Variants in DNAH1 observed in about 807,000 individuals in gnomAD.
The protein encoded by DNAH1 is dynein axonemal heavy chain 1, also known as axonemal beta dynein heavy chain 1.
A neutral mutation model predicts 484.3 loss-of-function variants in DNAH1; 327 were observed. That is an observed-to-expected ratio of 0.68 (90% CI 0.62 to 0.74). DNAH1 has a LOEUF of 0.74. Among genes scored for constraint, DNAH1 ranks in the 30% least tolerant of loss-of-function variants. The pLI, the probability that DNAH1 is intolerant of heterozygous loss-of-function variation, is 0.00. For missense variants in DNAH1, 5,052 were observed against 5,546.8 expected (o/e 0.91, Z 2.83); for synonymous variants, 2,192 against 2,191.9 (o/e 1.00, Z 0.00).
In DNAH1 at chr3:52,368,316, A is replaced by G. The variant is rs1466877643; in HGVS notation, c.5766-425A>G. ...CAAGCACAGCATCTTCATCAGCCCT[A>G]CCAGCCCCTTCCCTGGTGCGTGCTG... On this transcript the variant is annotated intron_variant, in intron 36 of 77. Transcript: ENST00000420323. This position sits in a 1 kb window ranked among gnomAD's most constrained non-coding sequence, Gnocchi z 4.4. Among the ~76,000 whole-genome samples the G allele has an allele frequency of 1.3e-5, 2 of 152,244 alleles. No homozygotes were observed. The highest frequency in any genetic ancestry group is 2.4e-5 in the African/African-American group (1 of 41,544).
chr3:52,347,696 G>T (rs374530577), intron 11 of DNAH1, 128 bp from the exon 12 acceptor site: 10 of 1,166,246 alleles, frequency 8.6e-6, no homozygotes, highest in Middle Eastern at 2.3e-4. Context: ...TGTGTGGGAC[G>T]AAGGAGAAGG....
intron 11 of DNAH1, 78 bp downstream of exon 11, chr3:52,346,848 C>T: frequency 1.4e-6 from 2 of 1,460,316 alleles, no homozygotes; most frequent in Non-Finnish European, 1.8e-6. Context: ...GGGTCAGGGA[C>T]CAGGGCCAGG....
chr3:52,353,447 C>G lies in DNAH1; in HGVS notation c.3294C>G (p.Ile1098Met), dbSNP rs1702480676. 1 of 1,613,802 alleles carries G rather than the reference C, an allele frequency of 6.2e-7. No homozygotes were observed. Among genetic ancestry groups the G allele is most frequent in the Non-Finnish European group, 8.5e-7 (1 of 1,179,908 alleles). Residue 1098 changes from isoleucine to methionine, a missense_variant, in exon 20 of 78, where the codon ATC (isoleucine) becomes ATG (methionine). Ile to Met is a conservative substitution (Grantham distance 10, BLOSUM62 1). Transcript: ENST00000420323. The surrounding 1 kb of genome is among the most constrained non-coding windows in gnomAD (Gnocchi z 5.0). ...IEEFKPYIPL[I>M]QGLRNPGMRI... ...AGTTCAAACCATACATCCCACTGATCCAGGGGCTGCGCAACCCTGGCATGC... is the reference window on the plus strand; with the variant it reads ...AGTTCAAACCATACATCCCACTGATGCAGGGGCTGCGCAACCCTGGCATGC...
At position 52,394,711 on chromosome 3, in the gene DNAH1, T is replaced by C. The variant is rs146126832; in HGVS notation, c.10823+50T>C. The C allele has an allele frequency of 1.3e-3, 1,930 of 1,531,336 alleles. 26 individuals carry two copies. In the African/African-American group the frequency reaches 0.02, roughly 16 times the overall value. The allele number at this position is 1,531,336 out of a possible 1,614,324, so 94.9% of individuals were successfully genotyped here. A position where few individuals can be genotyped will look rare whatever the true frequency, so the allele number is the denominator to read the frequency against. The stretch of plus-strand genomic sequence containing the variant: ...AGGATGAGCCCATCGAGGGGATGAG[T>C]CCCTAGGAAAGGCTTGTCTGGGCGC... On this transcript the variant is annotated intron_variant, in intron 67 of 77. Coordinates refer to ENST00000420323, the MANE Select transcript of DNAH1 (RefSeq NM_015512.5).
intron 35 of DNAH1, 80 bp from the exon 36 acceptor site, chr3:52,366,653 C>A: frequency 6.5e-7 from 1 of 1,550,072 alleles, no homozygotes; most frequent in Non-Finnish European, 8.8e-7. Flanking sequence ...GCATAGAATA[C>A]CCCTCCCCCT....
chr3:52,399,837 C>A, intron 77 of DNAH1, 58 bp downstream of exon 77: 1 of 1,509,286 alleles, frequency 6.6e-7, no homozygotes, highest in Non-Finnish European at 9.1e-7. Flanking sequence ...CTAACCCAGC[C>A]CAGCCCAAGC....
Position 52,345,695 on chromosome 3 carries a change from A to T in DNAH1, c.1645A>T (p.Thr549Ser). The change falls in exon 10 of 78, where the codon ACC (threonine) becomes TCC (serine). Residue 549 changes from threonine to serine, a missense_variant. Around this residue, in one of 4 missense-constraint regions of DNAH1, gnomAD observed 1,263 missense variants for 1,218.8 expected, o/e 1.04. Coordinates refer to ENST00000420323, the MANE Select transcript of DNAH1 (RefSeq NM_015512.5). ...GGAATTTGAGCAGATCCAGTCACAG[A>T]CCTTCTCCCAGGTTTGTGGGCATCA... is the stretch of plus-strand genomic sequence containing the variant. ...LEEFEQIQSQTFSQVQMFLKD... is the reference protein window; with the variant it reads ...LEEFEQIQSQSFSQVQMFLKD... The T allele has an allele frequency of 6.2e-7, 1 of 1,612,450 alleles. No homozygotes were observed. Among genetic ancestry groups the T allele is most frequent in the South Asian group, 1.1e-5 (1 of 90,646 alleles).
intron 44 of DNAH1, among the ~76,000 whole-genome samples, chr3:52,373,450 A>T (rs1307489520): frequency 6.6e-6 from 1 of 152,274 alleles, no homozygotes; most frequent in Non-Finnish European, 1.5e-5. Context: ...AAGAGTGGAA[A>T]AAGTTCAAAA....
chr3:52,345,714 G>C lies in DNAH1; in HGVS notation c.1656+8G>C, dbSNP rs372641413. 3 of 1,608,986 alleles carry C rather than the reference G, an allele frequency of 1.9e-6. No homozygotes were observed. The African/African-American group carries it at 4.0e-5, about 21-fold the overall frequency. ...TCACAGACCTTCTCCCAGGTTTGTG[G>C]GCATCAAGGGCACAGGGGGCAAACG... On this transcript the variant is annotated splice_region_variant and intron_variant, in intron 10 of 77. Coordinates refer to ENST00000420323, the MANE Select transcript of DNAH1 (RefSeq NM_015512.5).
chr3:52,361,774 C>T lies in DNAH1; in HGVS notation c.4980+8C>T, dbSNP rs768938100. On this transcript the variant is annotated splice_region_variant and intron_variant, in intron 30 of 77. Coordinates refer to ENST00000420323, the MANE Select transcript of DNAH1 (RefSeq NM_015512.5). This position sits in a 1 kb window ranked among gnomAD's most constrained non-coding sequence, Gnocchi z 5.6. ...AAGGCGCAGCAGCAGCGGGTGAGCC[C>T]GGGGGACCCACCTTACTCCCTCAGA... 1.4e-5 allele frequency: 22 copies of T among 1,594,298 alleles called. No individual in the cohort carries two copies. Among genetic ancestry groups the T allele is most frequent in the African/African-American group, 2.7e-5 (2 of 74,506 alleles).
intron 22 of DNAH1, 100 bp from the exon 23 acceptor site, chr3:52,357,514 G>T (rs540650950): frequency 6.9e-7 from 1 of 1,449,306 alleles, no homozygotes; most frequent in African/African-American, 1.4e-5. Flanking sequence ...CCCAGGCCCC[G>T]CTGAGGGGCT....
chr3:52,323,465 G>A (rs1444394519), intron 2 of DNAH1, among the ~76,000 whole-genome samples: 1 of 152,220 alleles, frequency 6.6e-6, no homozygotes, highest in Non-Finnish European at 1.5e-5. Context: ...CAGTGCCAGT[G>A]GCCCTTGGGA....
intron 44 of DNAH1, chr3:52,374,727 A>T: frequency 1.6e-6 from 2 of 1,283,490 alleles, no homozygotes; most frequent in Non-Finnish European, 2.3e-6. Flanking sequence ...ACATGGCTTG[A>T]TATACAACGC....
At chr3:52,350,129 C>G in intron 15 of DNAH1, 21 bp downstream of exon 15, 1 of 1,606,336 alleles carries the variant, frequency 6.2e-7, no homozygotes, top group East Asian at 2.2e-5. Flanking sequence ...CACACGGGCA[C>G]TGGGGCCAGG....
At chr3:52,359,881 A>T (rs1363472863) in intron 26 of DNAH1, 35 bp from the exon 27 acceptor site, 5 of 1,611,338 alleles carry the variant, frequency 3.1e-6, no homozygotes, top group Non-Finnish European at 4.2e-6. Context: ...TCCTCGTGGT[A>T]CCCTGATGTT....
chr3:52,344,672 G>C (rs199858214), intron 9 of DNAH1, 25 bp downstream of exon 9: 19 of 1,603,876 alleles, frequency 1.2e-5, no homozygotes, highest in Non-Finnish European at 1.5e-5. Flanking sequence ...ACCAAGATGG[G>C]CTCCATGGCC....
At chr3:52,394,757 G>A in intron 67 of DNAH1, 96 bp downstream of exon 67, 1 of 1,492,012 alleles carries the variant, frequency 6.7e-7, no homozygotes, top group Non-Finnish European at 9.0e-7. Flanking sequence ...GGGCCACCCA[G>A]GGTTGCCCTG....
rs892602274 is a variant in DNAH1 at position 52,318,858 on chromosome 3, C to T, written c.-35+2313C>T. On this transcript the variant is annotated intron_variant, in intron 1 of 77. Coordinates refer to ENST00000420323, the MANE Select transcript of DNAH1 (RefSeq NM_015512.5). ...AGATACTTCCCAAATCCCTTAAAGTCGCAGATCCATTTGTCTGCTTATGCA... is the reference window on the plus strand; with the variant it reads ...AGATACTTCCCAAATCCCTTAAAGTTGCAGATCCATTTGTCTGCTTATGCA... 2.6e-5 allele frequency among the ~76,000 whole-genome samples: 4 copies of T among 152,330 alleles called. 1 individual carries two copies. Among genetic ancestry groups the T allele is most frequent in the Non-Finnish European group, 5.9e-5 (4 of 68,036 alleles).
At position 52,394,986 on chromosome 3, in the gene DNAH1, G is replaced by A. The variant is rs562263699; in HGVS notation, c.10895G>A (p.Arg3632His). 411 of 1,612,606 alleles carry A rather than the reference G, an allele frequency of 2.5e-4. No individual in the cohort carries two copies. The highest frequency in any genetic ancestry group is 3.3e-4 in the Non-Finnish European group (384 of 1,179,392). Reference sequence around the variant, plus strand: ...AAGCTGCTAGTCCTCCGCTGCCTGCGTGGGGACAAGGTTACCAACGCCATG... The same window carrying A: ...AAGCTGCTAGTCCTCCGCTGCCTGCATGGGGACAAGGTTACCAACGCCATG... ...FQKLLVLRCLRGDKVTNAMQD... is the reference protein window; with the variant it reads ...FQKLLVLRCLHGDKVTNAMQD... The change falls in exon 68 of 78, where the codon CGT (arginine) becomes CAT (histidine). Residue 3632 changes from arginine (R) to histidine (H), a missense_variant. Around this residue, in one of 4 missense-constraint regions of DNAH1, gnomAD observed 853 missense variants for 899.0 expected, o/e 0.95. Coordinates refer to ENST00000420323, the MANE Select transcript of DNAH1 (RefSeq NM_015512.5).
Sources: gnomAD v4.1 joint callset for allele counts (sites outside exome capture counted in the v4.1 genomes callset) on GRCh38, gnomAD v4.1.1 for gene constraint, gnomAD v4.1.1 regional missense constraint, Gnocchi (gnomAD v3.1) non-coding constraint, MANE v1.5 for transcripts, NCBI Gene and HGNC (gene_info 2026-07-23, HGNC 2026-07-21) for gene names.